Variants in WWP1 observed in about 807,000 individuals in gnomAD.
WWP1 encodes NEDD4-like E3 ubiquitin-protein ligase WWP1.
In WWP1, 49 loss-of-function variants were observed where a neutral mutation model predicts 130.6. The observed-to-expected ratio is 0.38, with a 90% CI of 0.30 to 0.48. WWP1 has a LOEUF of 0.48. WWP1 is among the 20% of genes least tolerant of loss of function. The probability of loss-of-function intolerance (pLI) is 0.99; values close to 1 mark genes in which losing one functional copy is unlikely to be tolerated. For missense variants in WWP1, 809 were observed against 1,100.6 expected (o/e 0.74, Z 3.75); for synonymous variants, 332 against 367.8 (o/e 0.90, Z 1.11).
intron 14 of WWP1, 87 bp downstream of exon 14, chr8:86,431,830 A>G (rs1586445745): frequency 6.4e-7 from 1 of 1,558,852 alleles, no homozygotes; most frequent in East Asian, 2.3e-5. Context: ...GTTTAGCAAA[A>G]CATTTTACTT....
chr8:86,348,510 G>A (rs1204246347), intron 1 of WWP1, among the ~76,000 whole-genome samples: 1 of 152,244 alleles, frequency 6.6e-6, no homozygotes, highest in South Asian at 2.1e-4. Flanking sequence ...GAGCCACCAC[G>A]CCTGGCCGTC....
chr8:86,389,637 A>G (rs897114028), intron 5 of WWP1, among the ~76,000 whole-genome samples: 2 of 152,104 alleles, frequency 1.3e-5, no homozygotes, highest in Non-Finnish European at 2.9e-5. Context: ...AACCCCCATC[A>G]TCATCATGGC....
At chr8:86,366,494 C>T (rs1823975875) in intron 1 of WWP1, among the ~76,000 whole-genome samples, 1 of 152,186 alleles carries the variant, frequency 6.6e-6, no homozygotes, top group African/African-American at 2.4e-5. Context: ...TCTTACTCTT[C>T]CCTCTTCCCT....
chr8:86,380,475 T>C (rs952915621), intron 3 of WWP1, among the ~76,000 whole-genome samples: 2 of 152,196 alleles, frequency 1.3e-5, no homozygotes, highest in Non-Finnish European at 2.9e-5. Flanking sequence ...CTGAATATAG[T>C]GAAACCATTG....
intron 1 of WWP1, among the ~76,000 whole-genome samples, chr8:86,354,025 G>T (rs539234673): frequency 6.6e-6 from 1 of 152,212 alleles, no homozygotes; most frequent in South Asian, 2.1e-4. Flanking sequence ...TAACGTATTG[G>T]CTATTTAGAG....
chr8:86,401,973 G>T (rs373738847), intron 7 of WWP1, 46 bp from the exon 8 acceptor site: 13 of 1,415,714 alleles, frequency 9.2e-6, no homozygotes, highest in Non-Finnish European at 1.2e-5. Flanking sequence ...ATGAAATGTT[G>T]TTGAATTATA....
chr8:86,363,103 A>G (rs1202540808), intron 1 of WWP1, among the ~76,000 whole-genome samples: 1 of 152,198 alleles, frequency 6.6e-6, no homozygotes, highest in Non-Finnish European at 1.5e-5. Context: ...ATTGGCTTTT[A>G]TTCATGATCC....
chr8:86,445,776 A>G (rs1207574450), intron 18 of WWP1, among the ~76,000 whole-genome samples: 2 of 152,078 alleles, frequency 1.3e-5, no homozygotes, highest in Non-Finnish European at 2.9e-5. Flanking sequence ...TTCTGAACAA[A>G]GTATATGTCT....
chr8:86,381,007 T>C, intron 4 of WWP1, 143 bp downstream of exon 4: 1 of 1,152,922 alleles, frequency 8.7e-7, no homozygotes, highest in South Asian at 2.6e-5. Flanking sequence ...GGAGAAATTT[T>C]TGGTTAAATT....
At chr8:86,394,152 T>C (rs559766008) in intron 5 of WWP1, among the ~76,000 whole-genome samples, 7 of 152,358 alleles carry the variant, frequency 4.6e-5, no homozygotes, top group African/African-American at 1.7e-4. Context: ...TTGAGCAGTT[T>C]TTAAAAACGG....
At chr8:86,445,976 C>CTTTTCTTTTCTTTTTTTTTTTTTTTTTT (rs1216312552) in intron 18 of WWP1, among the ~76,000 whole-genome samples, 1 of 84,984 alleles carries the variant, frequency 1.2e-5, no homozygotes, top group Non-Finnish European at 2.3e-5. Context: ...CTTTTCTTTT[C>CTTTTCTTTTCTTTTTTTTTTTTTTTTTT]TTTTTTTTTT....
At chr8:86,408,863 T>TCG (rs1586380310) in intron 8 of WWP1, among the ~76,000 whole-genome samples, 2 of 151,916 alleles carry the variant, frequency 1.3e-5, no homozygotes, top group African/African-American at 4.8e-5. Context: ...TGAGCTGAGA[T>TCG]CGCGCTACTG....
intron 5 of WWP1, among the ~76,000 whole-genome samples, chr8:86,382,179 A>G (rs1046198787): frequency 7.2e-5 from 11 of 152,214 alleles, no homozygotes; most frequent in Middle Eastern, 3.4e-3. Context: ...CTTTGCATCT[A>G]CTAGTTTATC....
rs1161614204 is a variant in WWP1, at chr8:86,425,104, G to A, written c.1062-119G>A. 4.8e-6 allele frequency: 3 copies of A among 630,252 alleles called. No individual in the cohort carries two copies. The South Asian group carries it at 6.7e-5, about 14-fold the overall frequency. The allele number at this position is 630,252 out of a possible 1,614,324, so 39.0% of individuals were successfully genotyped here. ...ATAGCCTTTATATATATAGCTGTGT[G>A]TGTGTATAGTCTTTTAATGTAAAGC... On this transcript the variant is annotated intron_variant, in intron 9 of 24. Transcript: ENST00000517970.
intron 22 of WWP1, among the ~76,000 whole-genome samples, chr8:86,460,353 A>G (rs749918911): frequency 8.5e-5 from 13 of 152,204 alleles, no homozygotes; most frequent in Non-Finnish European, 1.9e-4. Context: ...TTTAGGGCTC[A>G]TCTAGACTTG....
At chr8:86,461,482 G>A (rs1451478197) in intron 23 of WWP1, 162 bp downstream of exon 23, 1 of 670,454 alleles carries the variant, frequency 1.5e-6, no homozygotes. Flanking sequence ...CAAAGCACTT[G>A]TAAGACAAAA....
Position 86,466,947 on chromosome 8 carries a change from A to G in WWP1, c.*54A>G, listed in dbSNP as rs1273533235. The G allele has an allele frequency of 3.7e-6, 5 of 1,343,444 alleles. No homozygotes were observed. Among genetic ancestry groups the G allele is most frequent in the Non-Finnish European group, 5.3e-6 (5 of 947,016 alleles). The allele number at this position is 1,343,444 out of a possible 1,614,324, so 83.2% of individuals were successfully genotyped here. On this transcript the variant is annotated 3_prime_UTR_variant, in exon 25 of 25. Coordinates refer to ENST00000517970, the MANE Select transcript of WWP1 (RefSeq NM_007013.4). ...TGCATTTAAATACCCCAGCCAAGAA[A>G]AATTGCACAGATAGTGTATATAAGC...
Position 86,431,598 on chromosome 8 carries a change from T to C in WWP1, c.1473-17T>C, listed in dbSNP as rs1483376639. Reference sequence around the variant, plus strand: ...CCTAGAAAAGGTTCATCTTGTGATTTTAACTTTATCTTTTAGCTTACAGAA... The same window carrying C: ...CCTAGAAAAGGTTCATCTTGTGATTCTAACTTTATCTTTTAGCTTACAGAA... On this transcript the variant is annotated splice_polypyrimidine_tract_variant and intron_variant, in intron 13 of 24. Transcript: ENST00000517970. 6.2e-7 allele frequency: 1 copy of C among 1,612,924 alleles called. No individual in the cohort carries two copies. The highest frequency in any genetic ancestry group is 8.5e-7 in the Non-Finnish European group (1 of 1,179,674).
Position 86,398,347 on chromosome 8 carries a change from A to G in WWP1, c.340A>G (p.Arg114Gly). Reference protein sequence around the residue: ...ALLIHNRKLERVKEQLKLSLE... With the variant: ...ALLIHNRKLEGVKEQLKLSLE... ...TAGAATATTCTTCTTTCTAGTGGAAAGAGTGAAAGAACAATTAAAACTTTC... is the reference window on the plus strand; with the variant it reads ...TAGAATATTCTTCTTTCTAGTGGAAGGAGTGAAAGAACAATTAAAACTTTC... Residue 114 changes from arginine to glycine, a missense_variant, in exon 6 of 25, where the codon AGA becomes GGA. Physicochemically the swap from Arg to Gly is moderately radical, Grantham distance 125. Around this residue, in one of 3 missense-constraint regions of WWP1, gnomAD observed 262 missense variants for 346.0 expected, o/e 0.76. Coordinates refer to ENST00000517970, the MANE Select transcript of WWP1 (RefSeq NM_007013.4). 1 of 1,588,760 alleles carries G rather than the reference A, an allele frequency of 6.3e-7. No individual in the cohort carries two copies. The highest frequency in any genetic ancestry group is 8.6e-7 in the Non-Finnish European group (1 of 1,166,192).
Sources: allele counts gnomAD v4.1 joint callset (sites outside exome capture counted in the v4.1 genomes callset), GRCh38; gene constraint gnomAD v4.1.1; regional missense constraint gnomAD v4.1.1; transcripts MANE v1.5; gene names NCBI Gene and HGNC (gene_info 2026-07-23, HGNC 2026-07-21).